TMOD1: variants seen among roughly 807,000 people sequenced by gnomAD.
TMOD1 encodes tropomodulin 1, also known as tropomodulin-1.
Under a neutral mutation model 40.6 loss-of-function variants are expected in TMOD1, and 17 were observed. The observed-to-expected ratio is 0.42, with a 90% confidence interval of 0.29 to 0.63. The LOEUF (loss-of-function observed/expected upper bound fraction) is 0.63. Among genes scored for constraint, TMOD1 ranks in the 20% least tolerant of loss-of-function variants. The pLI is 0.22. For synonymous variants in TMOD1, 181 were observed against 175.0 expected, an observed-to-expected ratio of 1.03 and a Z score of -0.27; for missense variants, 391 against 447.6, an observed-to-expected ratio of 0.87 and a Z score of 1.14.
At chr9:97,532,052 C>G (rs1220661248) in intron 2 of TMOD1, among the ~76,000 whole-genome samples, 2 of 152,216 alleles carry the variant, frequency 1.3e-5, no homozygotes, top group African/African-American at 4.8e-5. Flanking sequence ...GGCAAAGACA[C>G]TCTTGCCATC....
intron 3 of TMOD1, among the ~76,000 whole-genome samples, chr9:97,553,039 G>C (rs554898647): frequency 3.3e-5 from 5 of 152,086 alleles, no homozygotes; most frequent in Non-Finnish European, 5.9e-5. Context: ...CAATGCTTTT[G>C]ATAGAGGGTA....
At chr9:97,525,206 C>T (rs1416235801) in intron 2 of TMOD1, among the ~76,000 whole-genome samples, 3 of 152,162 alleles carry the variant, frequency 2.0e-5, no homozygotes, top group Non-Finnish European at 4.4e-5. Context: ...TTATTCTTCT[C>T]CTTGCTGTCC....
chr9:97,598,885 A>AGAC lies in TMOD1; in HGVS notation c.1016-748_1016-746dup, dbSNP rs1035115841. ...CTCGACTGCCACCTACTGGCTCTAC[A>AGAC]GACTTCTTTGACCTTTCTCTTGTGG... On this transcript the variant is annotated intron_variant, in intron 9 of 9. Coordinates refer to ENST00000259365, the MANE Select transcript of TMOD1 (RefSeq NM_003275.4). Among the ~76,000 whole-genome samples the AGAC allele has an allele frequency of 1.3e-3, 203 of 152,210 alleles. 1 individual carries two copies. Among genetic ancestry groups the AGAC allele is most frequent in the African/African-American group, 4.7e-3 (195 of 41,526 alleles).
intron 4 of TMOD1, chr9:97,555,652 G>A: frequency 6.4e-7 from 1 of 1,551,138 alleles, no homozygotes; most frequent in Non-Finnish European, 8.7e-7. Flanking sequence ...AAAGATGGCA[G>A]CATCTCTGGG....
chr9:97,524,308 T>C lies in TMOD1; in HGVS notation c.120T>C (p.Asp40=). 1.2e-6 allele frequency: 2 copies of C among 1,613,956 alleles called. No individual in the cohort carries two copies. The highest frequency in any genetic ancestry group is 2.2e-5 in the South Asian group (2 of 91,062). The change falls in exon 2 of 10, where the codon GAT becomes GAC. Residue 40 remains aspartate (D), a splice_region_variant and synonymous_variant. Transcript: ENST00000259365. ...LENELDELDP[D]NALLPAGLRQ... ...ATGAGCTGGATGAGCTGGACCCTGATGTGAGTAGGTGCTAAAGGGAAGCAC... is the reference window on the plus strand; with the variant it reads ...ATGAGCTGGATGAGCTGGACCCTGACGTGAGTAGGTGCTAAAGGGAAGCAC...
chr9:97,569,602 G>A (rs988683079), intron 8 of TMOD1, among the ~76,000 whole-genome samples: 2 of 152,092 alleles, frequency 1.3e-5, no homozygotes, highest in Admixed American at 1.3e-4. Flanking sequence ...TTTATCTGCG[G>A]GGCAACTCTT....
rs572808153 is a variant in TMOD1 at position 97,536,185 on chromosome 9, C to T, written c.121-10000C>T. On this transcript the variant is annotated intron_variant, in intron 2 of 9. Coordinates refer to ENST00000259365, the MANE Select transcript of TMOD1 (RefSeq NM_003275.4). ...GTATATTGGGATGGGACCATAAGTG[C>T]CTAAGTTTTTCATAAGGAGAAACCG... Among the ~76,000 whole-genome samples, 65 of 152,272 alleles carry T rather than the reference C, an allele frequency of 4.3e-4. 1 individual carries two copies. The South Asian group carries it at 0.013, about 30-fold the overall frequency.
chr9:97,503,646 C>G (rs917163339), intron 1 of TMOD1, among the ~76,000 whole-genome samples: 9 of 152,188 alleles, frequency 5.9e-5, no homozygotes, highest in African/African-American at 2.2e-4. Flanking sequence ...ATAGCCTCCG[C>G]CCCACCTTAT....
chr9:97,551,117 G>A (rs556956000), intron 3 of TMOD1, among the ~76,000 whole-genome samples: 3 of 148,714 alleles, frequency 2.0e-5, no homozygotes, highest in African/African-American at 7.5e-5. Context: ...TCCACCTCCC[G>A]GGTTCAAGTG....
rs537393194 is a variant in TMOD1, at chr9:97,501,708, G to A, written c.-144G>A. On this transcript the variant is annotated 5_prime_UTR_variant, in exon 1 of 10. Coordinates refer to ENST00000259365, the MANE Select transcript of TMOD1 (RefSeq NM_003275.4). ...CGCTGCGCTCGCCCGCCCGCTGCCC[G>A]CCGGAGCACCGCGGCCTCCGCCCGC... 8.1e-3 allele frequency: 1,206 copies of A among 149,050 alleles called. 11 individuals are homozygous for A. The highest frequency in any genetic ancestry group is 0.013 in the Non-Finnish European group (880 of 66,968). The allele number at this position is 149,050 out of a possible 1,614,324, so 9.2% of individuals were successfully genotyped here.
chr9:97,566,217 G>T (rs569124213), intron 7 of TMOD1, among the ~76,000 whole-genome samples: 1 of 152,276 alleles, frequency 6.6e-6, no homozygotes, highest in South Asian at 2.1e-4. Flanking sequence ...AAAATCTAGG[G>T]TTCGGAGAGG....
chr9:97,546,406 C>CCTGG, intron 3 of TMOD1, 65 bp downstream of exon 3: 1 of 1,506,976 alleles, frequency 6.6e-7, no homozygotes, highest in Non-Finnish European at 9.0e-7. Flanking sequence ...CGACTGTATG[C>CCTGG]CAGGCCCTGC....
chr9:97,579,581 C>T (rs1018649350), intron 8 of TMOD1, among the ~76,000 whole-genome samples: 45 of 152,154 alleles, frequency 3.0e-4, no homozygotes, highest in African/African-American at 9.2e-4. Flanking sequence ...CCACTGTGCC[C>T]GGCTACCAGT....
chr9:97,599,691 G>A lies in TMOD1; in HGVS notation c.1073G>A (p.Gly358Asp), dbSNP rs761788427. ...TGPIIPKCRS[G>D]V Reference sequence around the variant, plus strand: ...CCCATCATTCCCAAGTGCCGGAGTGGTGTCTAGTGTGTGGCGGTGGAGTCC... The same window carrying A: ...CCCATCATTCCCAAGTGCCGGAGTGATGTCTAGTGTGTGGCGGTGGAGTCC... Residue 358 changes from glycine to aspartate, a missense_variant, in exon 10 of 10, where the codon GGT (glycine) becomes GAT (aspartate). By Grantham distance (94) the Gly-to-Asp change is moderately conservative (BLOSUM62 -1). Transcript: ENST00000259365. The A allele has an allele frequency of 1.2e-6, 2 of 1,614,192 alleles. No homozygotes were observed. The highest frequency in any genetic ancestry group is 1.7e-6 in the Non-Finnish European group (2 of 1,180,030).
Position 97,591,451 on chromosome 9 carries a change from C to T in TMOD1, c.1015+16C>T. 6.2e-7 allele frequency: 1 copy of T among 1,611,966 alleles called. No homozygotes were observed. The highest frequency in any genetic ancestry group is 1.3e-5 in the African/African-American group (1 of 74,974). On this transcript the variant is annotated intron_variant, in intron 9 of 9. Transcript: ENST00000259365. ...AATGACCTTGGTGAGTAGAAATATG[C>T]TTCCTGCCCTGCCCGCAGTCCTGTT...
intron 3 of TMOD1, among the ~76,000 whole-genome samples, chr9:97,547,926 T>C (rs1830391015): frequency 1.3e-5 from 2 of 152,178 alleles, no homozygotes; most frequent in Non-Finnish European, 1.5e-5. Context: ...TAGAGAGTTG[T>C]TGGATGAATG....
rs565037248 is a variant in TMOD1 at position 97,528,073 on chromosome 9, G to A, written c.120+3765G>A. On this transcript the variant is annotated intron_variant, in intron 2 of 9. Coordinates refer to ENST00000259365, the MANE Select transcript of TMOD1 (RefSeq NM_003275.4). ...ACCCCCAAACTGGCAAAGAGCTCCC[G>A]CAGGTCTGCCACCCGACATATCAGA... 4.6e-5 allele frequency among the ~76,000 whole-genome samples: 7 copies of A among 152,302 alleles called. No homozygotes were observed. The East Asian group carries it at 9.7e-4, about 21-fold the overall frequency.
At chr9:97,550,695 T>C (rs1830437767) in intron 3 of TMOD1, among the ~76,000 whole-genome samples, 1 of 152,176 alleles carries the variant, frequency 6.6e-6, no homozygotes, top group African/African-American at 2.4e-5. Context: ...TATTCAAGTC[T>C]TTTACCCATT....
rs1049574834 is a variant in TMOD1 at position 97,513,218 on chromosome 9, T to G, written c.-48-10923T>G. Reference sequence around the variant, plus strand: ...GTGCTTGCAGGCTGCAGGCTGGGCCTGAAGGAAGGTGAAGGAAACCGGTTA... The same window carrying G: ...GTGCTTGCAGGCTGCAGGCTGGGCCGGAAGGAAGGTGAAGGAAACCGGTTA... On this transcript the variant is annotated intron_variant, in intron 1 of 9. Coordinates refer to ENST00000259365, the MANE Select transcript of TMOD1 (RefSeq NM_003275.4). The surrounding 1 kb of genome is among the most constrained non-coding windows in gnomAD (Gnocchi z 4.1). The G allele has an allele frequency of 4.0e-5, 6 of 151,628 alleles. No homozygotes were observed. The highest frequency in any genetic ancestry group is 7.3e-5 in the Non-Finnish European group (5 of 68,114). The allele number at this position is 151,628 out of a possible 1,614,324, so 9.4% of individuals were successfully genotyped here.
Sources: allele counts gnomAD v4.1 joint callset (sites outside exome capture counted in the v4.1 genomes callset), GRCh38; gene constraint gnomAD v4.1.1; non-coding constraint Gnocchi (gnomAD v3.1); transcripts MANE v1.5; gene names NCBI Gene and HGNC (gene_info 2026-07-23, HGNC 2026-07-21).